The following NCAM2 variants were observed in gnomAD, a reference collection of about 807,000 sequenced individuals.
The protein encoded by NCAM2 is N-CAM-2.
A neutral mutation model predicts 98.1 loss-of-function variants in NCAM2; 30 were observed. The ratio of observed to expected loss-of-function variants is 0.31; its 90% confidence interval spans 0.23 to 0.41. The LOEUF is 0.41. Ranked by LOEUF, NCAM2 falls within the 10% of genes least tolerant of loss-of-function variation. The probability of loss-of-function intolerance (pLI) is 1.00; values close to 1 mark genes in which losing one functional copy is unlikely to be tolerated. For synonymous variants in NCAM2, 368 were observed against 342.4 expected, an observed-to-expected ratio of 1.07 and a Z score of -0.83; for missense variants, 867 against 1,005.8, an observed-to-expected ratio of 0.86 and a Z score of 1.87.
At chr21:21,288,501 G>T (rs2147546967) in intron 4 of NCAM2, among the ~76,000 whole-genome samples, 1 of 151,578 alleles carries the variant, frequency 6.6e-6, no homozygotes, top group East Asian at 2.0e-4. Context: ...TAAGTTGTGT[G>T]GCAGGTGAAA....
chr21:21,452,650 T>C (rs1332555013), intron 12 of NCAM2, among the ~76,000 whole-genome samples: 1 of 110,846 alleles, frequency 9.0e-6, no homozygotes, highest in Non-Finnish European at 1.7e-5. Context: ...TATATATAAA[T>C]ATATATATTA....
intron 1 of NCAM2, among the ~76,000 whole-genome samples, chr21:21,075,355 A>C (rs2065658875): frequency 6.6e-6 from 1 of 152,190 alleles, no homozygotes; most frequent in African/African-American, 2.4e-5. Flanking sequence ...AAAAGGAAAA[A>C]CAAAGAAATA....
At chr21:21,122,151 A>G (rs1285844804) in intron 1 of NCAM2, among the ~76,000 whole-genome samples, 1 of 55,022 alleles carries the variant, frequency 1.8e-5, no homozygotes, top group Non-Finnish European at 3.5e-5. Flanking sequence ...AGGAAAAGAA[A>G]CTAAAGTCAA....
intron 10 of NCAM2, among the ~76,000 whole-genome samples, chr21:21,414,975 A>G (rs1159475824): frequency 6.7e-6 from 1 of 150,142 alleles, no homozygotes; most frequent in African/African-American, 2.5e-5. Flanking sequence ...TCAGCACTAT[A>G]TCTCAACAGT....
intron 11 of NCAM2, among the ~76,000 whole-genome samples, chr21:21,420,615 A>G (rs557362095): frequency 1.3e-5 from 2 of 152,154 alleles, no homozygotes; most frequent in South Asian, 4.1e-4. Flanking sequence ...CTGTATAAAT[A>G]TATTCTAAAT....
chr21:21,444,053 A>C (rs981972245), intron 12 of NCAM2, among the ~76,000 whole-genome samples: 1 of 151,956 alleles, frequency 6.6e-6, no homozygotes, highest in Non-Finnish European at 1.5e-5. Context: ...ACATGAAGGG[A>C]TGTTGAATTT....
chr21:21,539,131 A>C lies in NCAM2; in HGVS notation c.*1174A>C, dbSNP rs1012421471. 8 of 152,312 alleles carry C rather than the reference A, an allele frequency of 5.3e-5. No homozygotes were observed. The highest frequency in any genetic ancestry group is 1.0e-4 in the Non-Finnish European group (7 of 68,008). The allele number at this position is 152,312 out of a possible 1,614,324, so 9.4% of individuals were successfully genotyped here. A position where few individuals can be genotyped will look rare whatever the true frequency, so the allele number is the denominator to read the frequency against. On this transcript the variant is annotated 3_prime_UTR_variant, in exon 18 of 18. Coordinates refer to ENST00000400546, the MANE Select transcript of NCAM2 (RefSeq NM_004540.5). ...TTTGATAAACAACTTTGGTTGAAGA[A>C]ATTCCTTAAGTATTCAACACAAACT...
At chr21:21,208,675 G>C (rs1421585974) in intron 1 of NCAM2, among the ~76,000 whole-genome samples, 1 of 151,946 alleles carries the variant, frequency 6.6e-6, no homozygotes, top group South Asian at 2.1e-4. Context: ...GATTATTGTA[G>C]AGGAGACCTT....
chr21:21,370,734 G>A (rs2075896270), intron 8 of NCAM2, among the ~76,000 whole-genome samples: 1 of 151,878 alleles, frequency 6.6e-6, no homozygotes, highest in East Asian at 1.9e-4. Context: ...GCTGTGGGAT[G>A]TGGGCTAGTT....
intron 9 of NCAM2, among the ~76,000 whole-genome samples, chr21:21,392,638 C>A (rs1472690728): frequency 2.0e-5 from 3 of 152,148 alleles, no homozygotes; most frequent in African/African-American, 7.2e-5. Context: ...TAATAATAGT[C>A]ATTCTCACTG....
chr21:21,023,197 T>C (rs2064471099), intron 1 of NCAM2, among the ~76,000 whole-genome samples: 1 of 152,160 alleles, frequency 6.6e-6, no homozygotes, highest in Admixed American at 6.5e-5. Context: ...ATAATTCTTA[T>C]TATGAAATGA....
intron 5 of NCAM2, among the ~76,000 whole-genome samples, chr21:21,295,066 T>G (rs1456872580): frequency 6.6e-6 from 1 of 151,856 alleles, no homozygotes; most frequent in Non-Finnish European, 1.5e-5. Flanking sequence ...ATTCTGGTCC[T>G]CTTTCATTCA....
intron 5 of NCAM2, among the ~76,000 whole-genome samples, chr21:21,294,005 A>G (rs1167015496): frequency 6.6e-6 from 1 of 151,690 alleles, no homozygotes; most frequent in Non-Finnish European, 1.5e-5. Flanking sequence ...TGATATTAAA[A>G]TGAAATTTAT....
intron 1 of NCAM2, among the ~76,000 whole-genome samples, chr21:21,168,747 G>A (rs75566451): frequency 3.9e-5 from 6 of 152,020 alleles, no homozygotes; most frequent in African/African-American, 1.4e-4. Context: ...AAGTCTAAGA[G>A]CCATATGAAG....
intron 1 of NCAM2, among the ~76,000 whole-genome samples, chr21:21,097,784 A>G (rs1405346476): frequency 1.3e-5 from 2 of 151,170 alleles, no homozygotes; most frequent in East Asian, 2.0e-4. Flanking sequence ...TCAAAAGAGC[A>G]AGAAAGCAAT....
At chr21:21,112,382 TTTTATA>T (rs2066470753) in intron 1 of NCAM2, among the ~76,000 whole-genome samples, 1 of 152,190 alleles carries the variant, frequency 6.6e-6, no homozygotes, top group Admixed American at 6.5e-5. Context: ...AAGTAGCTAT[TTTTATA>T]AAGACCTGGC....
At chr21:21,038,746 C>A (rs1166577614) in intron 1 of NCAM2, among the ~76,000 whole-genome samples, 1 of 152,126 alleles carries the variant, frequency 6.6e-6, no homozygotes, top group Non-Finnish European at 1.5e-5. Flanking sequence ...TGAGAACAGA[C>A]CAATACACTT....
chr21:21,267,641 A>G (rs2072334720), intron 1 of NCAM2, among the ~76,000 whole-genome samples: 2 of 152,166 alleles, frequency 1.3e-5, no homozygotes, highest in African/African-American at 4.8e-5. Context: ...ACAAATATGG[A>G]GCAATTTTCT....
Position 21,061,943 on chromosome 21 carries a change from G to T in NCAM2, c.55+63325G>T, listed in dbSNP as rs565319776. Among the ~76,000 whole-genome samples the T allele has an allele frequency of 1.4e-3, 211 of 152,156 alleles. 1 individual carries two copies. Among genetic ancestry groups the T allele is most frequent in the African/African-American group, 4.7e-3 (197 of 41,542 alleles). The stretch of plus-strand genomic sequence containing the variant: ...TCATCACTTTGTGTTTTTTATGTTG[G>T]AAAGCAGCCGTAATGGAGAGGGTAG... On this transcript the variant is annotated intron_variant, in intron 1 of 17. Transcript: ENST00000400546.
Sources: allele counts gnomAD v4.1 joint callset (sites outside exome capture counted in the v4.1 genomes callset), GRCh38; gene constraint gnomAD v4.1.1; transcripts MANE v1.5; gene names NCBI Gene and HGNC (gene_info 2026-07-23, HGNC 2026-07-21).